The following OPN3 variants were observed in gnomAD, a reference collection of about 807,000 sequenced individuals.
The protein encoded by OPN3 is opsin 3, also known as opsin-3.
OPN3 carries 29 observed loss-of-function variants against 33.8 expected under a neutral mutation model. The ratio of observed to expected loss-of-function variants is 0.86; its 90% CI spans 0.64 to 1.17. The LOEUF (loss-of-function observed/expected upper bound fraction) is 1.17. OPN3 is among the 50% of genes most tolerant of loss of function. The pLI is 0.00. For missense variants in OPN3, 437 were observed against 514.1 expected, an observed-to-expected ratio of 0.85 and a Z score of 1.45; for synonymous variants, 216 against 216.1, an observed-to-expected ratio of 1.00 and a Z score of 0.00.
intron 1 of OPN3, among the ~76,000 whole-genome samples, chr1:241,607,905 A>G: frequency 6.6e-6 from 1 of 152,196 alleles, no homozygotes; most frequent in East Asian, 1.9e-4. Context: ...ATCAAGGTAG[A>G]TGACTTTCAT....
intron 1 of OPN3, among the ~76,000 whole-genome samples, chr1:241,607,747 GAAGA>G (rs965306188): frequency 2.5e-4 from 34 of 136,934 alleles, no homozygotes; most frequent in Admixed American, 5.1e-4. Flanking sequence ...AGGAAGGAAG[GAAGA>G]AAGAAAGAGA....
intron 2 of OPN3, among the ~76,000 whole-genome samples, chr1:241,603,172 G>A (rs112251173): frequency 6.6e-6 from 1 of 152,126 alleles, no homozygotes; most frequent in Non-Finnish European, 1.5e-5. Flanking sequence ...ACAGAATCGA[G>A]TTGGTCCTGG....
rs181100290 is a variant in OPN3 at position 241,623,116 on chromosome 1, A to G, written c.373+16766T>C. Among the ~76,000 whole-genome samples the G allele has an allele frequency of 1.6e-4, 25 of 152,250 alleles. No individual in the cohort carries two copies. The East Asian group carries it at 4.6e-3, about 28-fold the overall frequency. The stretch of plus-strand genomic sequence containing the variant: ...ACAAAAAACAAAAAAAACAAACAAA[A>G]AAAACTCTTTCTGGCTCAGGACTAA... On this transcript the variant is annotated intron_variant, in intron 1 of 3. Transcript: ENST00000366554.
intron 1 of OPN3, among the ~76,000 whole-genome samples, chr1:241,625,083 TA>T (rs1352700762): frequency 2.0e-5 from 3 of 152,370 alleles, no homozygotes; most frequent in Admixed American, 2.0e-4. Context: ...TCATGCTCAA[TA>T]AATATTACAT....
Position 241,594,492 on chromosome 1 carries a change from GAC to G in OPN3, c.1143_1144del (p.Val383Ter). On this transcript the variant is annotated frameshift_variant, in exon 4 of 4. Coordinates refer to ENST00000366554, the MANE Select transcript of OPN3 (RefSeq NM_014322.3). LOFTEE classifies it high-confidence loss of function. The stretch of plus-strand genomic sequence containing the variant: ...ATTGGTTTTGTCGCTGTCGTCAACT[GAC>G]AGTGATTCATCACTGGTGATGATAA... The G allele has an allele frequency of 6.2e-7, 1 of 1,614,058 alleles. No homozygotes were observed. Among genetic ancestry groups the G allele is most frequent in the South Asian group, 1.1e-5 (1 of 91,082 alleles).
chr1:241,635,599 T>C (rs376225412), intron 1 of OPN3: 23 of 1,614,118 alleles, frequency 1.4e-5, no homozygotes, highest in East Asian at 2.2e-5. Context: ...TCAACCAGGA[T>C]AGCAATCCTG....
At chr1:241,614,504 A>C (rs3753220) in intron 1 of OPN3, among the ~76,000 whole-genome samples, 5,219 of 152,332 alleles carry the variant, frequency 0.034, 291 homozygotes, top group East Asian at 0.29. Context: ...AATAGTTGCC[A>C]TAGTTGTTAA....
intron 1 of OPN3, among the ~76,000 whole-genome samples, chr1:241,610,428 T>C (rs1289567030): frequency 6.6e-6 from 1 of 152,194 alleles, no homozygotes; most frequent in Non-Finnish European, 1.5e-5. Context: ...TTTGAATTGA[T>C]GAACAGGAGA....
intron 1 of OPN3, chr1:241,635,899 C>A: frequency 1.2e-6 from 1 of 829,086 alleles, no homozygotes. Flanking sequence ...AGCTGTTTAA[C>A]GGTTACCCTT....
At chr1:241,606,283 C>A (rs969711637) in intron 1 of OPN3, among the ~76,000 whole-genome samples, 7 of 152,134 alleles carry the variant, frequency 4.6e-5, no homozygotes, top group Non-Finnish European at 7.4e-5. Flanking sequence ...GTGGCTTATA[C>A]CTGTAATCTC....
Position 241,616,779 on chromosome 1 carries a change from A to AT in OPN3, c.374-12201dup, listed in dbSNP as rs556734810. Among the ~76,000 whole-genome samples, 42 of 151,792 alleles carry AT rather than the reference A, an allele frequency of 2.8e-4. No individual in the cohort carries two copies. In the South Asian group the frequency reaches 8.2e-3, roughly 29 times the overall value. ...GCCACAGTTGACATTTCAATGAAAAATTTTTTTTTCCCTCAGGGAACTAGC... is the reference window on the plus strand; with the variant it reads ...GCCACAGTTGACATTTCAATGAAAAATTTTTTTTTTCCCTCAGGGAACTAGC... On this transcript the variant is annotated intron_variant, in intron 1 of 3. Coordinates refer to ENST00000366554, the MANE Select transcript of OPN3 (RefSeq NM_014322.3).
At chr1:241,618,258 C>T (rs1664187731) in intron 1 of OPN3, among the ~76,000 whole-genome samples, 1 of 152,202 alleles carries the variant, frequency 6.6e-6, no homozygotes, top group Non-Finnish European at 1.5e-5. Context: ...AATAAGAATG[C>T]TGTTTCCAAA....
intron 1 of OPN3, among the ~76,000 whole-genome samples, chr1:241,622,775 T>C (rs1664300083): frequency 6.6e-6 from 1 of 152,210 alleles, no homozygotes; most frequent in South Asian, 2.1e-4. Flanking sequence ...ATGTGCTATT[T>C]CTATACCGCA....
chr1:241,604,498 GA>G lies in OPN3; in HGVS notation c.454del (p.Ser152ProfsTer35), dbSNP rs765311747. The G allele has an allele frequency of 6.2e-7, 1 of 1,614,132 alleles. No individual in the cohort carries two copies. On this transcript the variant is annotated frameshift_variant, in exon 2 of 4. Transcript: ENST00000366554. LOFTEE classifies it high-confidence loss of function. ...RVVHARVINF[S>X]WAWRAITYIW... ...GTAGGTAATGGCCCTCCAGGCCCAG[GA>G]AAAATTGATCACTCTGGCATGGACC...
intron 1 of OPN3, among the ~76,000 whole-genome samples, chr1:241,609,211 T>C (rs926575475): frequency 5.3e-5 from 8 of 152,206 alleles, no homozygotes; most frequent in Admixed American, 1.3e-4. Context: ...ATGGGAATGA[T>C]GAGTGCTGCA....
At chr1:241,632,223 A>G (rs116757065) in intron 1 of OPN3, 4,200 of 153,102 alleles carry the variant, frequency 0.027, 150 homozygotes, top group African/African-American at 0.081. Context: ...GTCCACCGCC[A>G]TGTAAGACGT....
chr1:241,601,583 G>A (rs1272038700), intron 2 of OPN3, among the ~76,000 whole-genome samples: 1 of 152,106 alleles, frequency 6.6e-6, no homozygotes, highest in African/African-American at 2.4e-5. Flanking sequence ...GTGGGCACCT[G>A]TAATCCCAGC....
chr1:241,618,009 A>C (rs562841920), intron 1 of OPN3, among the ~76,000 whole-genome samples: 2 of 143,894 alleles, frequency 1.4e-5, no homozygotes, highest in South Asian at 2.3e-4. Context: ...GAACTAAAAA[A>C]AATAAATAAA....
chr1:241,634,030 C>A, intron 1 of OPN3: 1 of 1,613,614 alleles, frequency 6.2e-7, no homozygotes, highest in Non-Finnish European at 8.5e-7. Flanking sequence ...CACAGTCAGG[C>A]CCAGAGCAGA....
Sources: gnomAD v4.1 joint callset for allele counts (sites outside exome capture counted in the v4.1 genomes callset) on GRCh38, gnomAD v4.1.1 for gene constraint, MANE v1.5 for transcripts, NCBI Gene and HGNC (gene_info 2026-07-23, HGNC 2026-07-21) for gene names.